The following HCN1 variants were observed in gnomAD, a reference collection of about 807,000 sequenced individuals.
HCN1 encodes potassium/sodium hyperpolarization-activated cyclic nucleotide-gated channel 1.
Under a neutral mutation model 78.9 loss-of-function variants are expected in HCN1, and 13 were observed. The ratio of observed to expected loss-of-function variants is 0.16; its 90% confidence interval spans 0.11 to 0.26. The LOEUF (loss-of-function observed/expected upper bound fraction) is 0.26, where lower values mean the gene tolerates loss of function less well. Ranked by LOEUF, HCN1 falls within the 10% of genes least tolerant of loss-of-function variation. The pLI, the probability that HCN1 is intolerant of heterozygous loss-of-function variation, is 1.00. For synonymous variants in HCN1, 552 were observed against 455.5 expected, an observed-to-expected ratio of 1.21 and a Z score of -2.70; for missense variants, 810 against 1,154.3, an observed-to-expected ratio of 0.70 and a Z score of 4.32.
intron 4 of HCN1, among the ~76,000 whole-genome samples, chr5:45,359,201 C>A (rs963143181): frequency 6.6e-6 from 1 of 151,962 alleles, no homozygotes; most frequent in African/African-American, 2.4e-5. Flanking sequence ...TAATTTTATA[C>A]ACTTCACATT....
chr5:45,393,397 T>C (rs1739623058), intron 4 of HCN1, among the ~76,000 whole-genome samples: 1 of 152,110 alleles, frequency 6.6e-6, no homozygotes, highest in Admixed American at 6.6e-5. Context: ...GATGTAGTAG[T>C]ATAAAAAACC....
chr5:45,349,346 A>C (rs932420351), intron 5 of HCN1, among the ~76,000 whole-genome samples: 4 of 152,162 alleles, frequency 2.6e-5, no homozygotes, highest in African/African-American at 7.2e-5. Flanking sequence ...ACACAACATA[A>C]CAGAATCTCT....
chr5:45,686,334 C>G (rs1013633176), intron 1 of HCN1, among the ~76,000 whole-genome samples: 2 of 151,900 alleles, frequency 1.3e-5, no homozygotes, highest in African/African-American at 4.8e-5. Flanking sequence ...CCAAATTCAA[C>G]CACCATAATT....
intron 2 of HCN1, among the ~76,000 whole-genome samples, chr5:45,587,303 T>C (rs993252735): frequency 4.6e-5 from 7 of 152,168 alleles, no homozygotes; most frequent in Admixed American, 4.6e-4. Context: ...CCAACCCAAA[T>C]GCCCATCAAT....
intron 3 of HCN1, among the ~76,000 whole-genome samples, chr5:45,422,194 G>A (rs745682355): frequency 2.0e-5 from 3 of 152,156 alleles, no homozygotes; most frequent in Non-Finnish European, 4.4e-5. Context: ...ATTAGATCAT[G>A]TTGCCTTTTG....
At chr5:45,373,202 T>TGAATGTACAAAATGAA (rs1335005089) in intron 4 of HCN1, among the ~76,000 whole-genome samples, 1 of 123,016 alleles carries the variant, frequency 8.1e-6, no homozygotes, top group East Asian at 2.2e-4. Context: ...ATTTTATATA[T>TGAATGTACAAAATGAA]TTTATATATG....
At chr5:45,323,222 T>A (rs565083570) in intron 5 of HCN1, among the ~76,000 whole-genome samples, 1 of 152,014 alleles carries the variant, frequency 6.6e-6, no homozygotes, top group Non-Finnish European at 1.5e-5. Flanking sequence ...TACACCAGAT[T>A]GTGAAGACTT....
intron 1 of HCN1, among the ~76,000 whole-genome samples, chr5:45,659,966 A>T (rs1172251568): frequency 6.8e-6 from 1 of 146,272 alleles, no homozygotes; most frequent in East Asian, 2.0e-4. Context: ...CCACAAAGAT[A>T]CTCCTCGGGA....
chr5:45,591,234 T>C (rs1304138924), intron 2 of HCN1, among the ~76,000 whole-genome samples: 1 of 152,230 alleles, frequency 6.6e-6, no homozygotes, highest in African/African-American at 2.4e-5. Flanking sequence ...TATAAACATT[T>C]GTGTGCAGAT....
At chr5:45,434,534 A>ACAGTTGAC (rs1193146628) in intron 3 of HCN1, among the ~76,000 whole-genome samples, 2 of 152,230 alleles carry the variant, frequency 1.3e-5, no homozygotes, top group Non-Finnish European at 2.9e-5. Context: ...TGGAGGAGGA[A>ACAGTTGAC]CAGTTGACAT....
At chr5:45,686,462 C>T (rs1447916060) in intron 1 of HCN1, among the ~76,000 whole-genome samples, 1 of 152,154 alleles carries the variant, frequency 6.6e-6, no homozygotes, top group Non-Finnish European at 1.5e-5. Flanking sequence ...TCACCCAAAC[C>T]ACATTTACGT....
intron 2 of HCN1, among the ~76,000 whole-genome samples, chr5:45,622,056 TA>T (rs1269489782): frequency 2.6e-5 from 4 of 151,814 alleles, no homozygotes; most frequent in Admixed American, 6.6e-5. Flanking sequence ...CCGTCTCTAC[TA>T]AAAAATACAA....
At chr5:45,567,289 C>A (rs558697068) in intron 2 of HCN1, among the ~76,000 whole-genome samples, 2 of 151,262 alleles carry the variant, frequency 1.3e-5, no homozygotes, top group Admixed American at 6.6e-5. Flanking sequence ...AGAAATTGTT[C>A]TTGGCTCTGC....
At chr5:45,465,663 G>A (rs575753678) in intron 2 of HCN1, among the ~76,000 whole-genome samples, 2 of 152,198 alleles carry the variant, frequency 1.3e-5, no homozygotes, top group South Asian at 4.1e-4. Context: ...GCTGAGGCAG[G>A]AGAATCACTT....
intron 3 of HCN1, among the ~76,000 whole-genome samples, chr5:45,456,771 T>C (rs773125670): frequency 1.3e-4 from 20 of 152,048 alleles, no homozygotes; most frequent in Non-Finnish European, 4.4e-5. Flanking sequence ...TTTTATACAG[T>C]ATTCTACAAC....
chr5:45,551,838 G>A (rs969757504), intron 2 of HCN1, among the ~76,000 whole-genome samples: 10 of 151,954 alleles, frequency 6.6e-5, no homozygotes, highest in East Asian at 1.9e-4. Context: ...GTTCAATTAC[G>A]TATAAGGTAT....
rs1431572639 is a variant in HCN1 at position 45,261,463 on chromosome 5, A to G, written c.*458T>C. On this transcript the variant is annotated 3_prime_UTR_variant, in exon 8 of 8. Transcript: ENST00000303230. ...GTTATTTAATTCTCCACCATTAATG[A>G]TTAACAATTTAGATGCAGAGACACA... 6.5e-6 allele frequency: 1 copy of G among 154,418 alleles called. No homozygotes were observed. Among genetic ancestry groups the G allele is most frequent in the Non-Finnish European group, 1.4e-5 (1 of 69,474 alleles). 9.6% of individuals were successfully genotyped at this position (154,418 alleles called of 1,614,324 possible). A position where few individuals can be genotyped will look rare whatever the true frequency, so the allele number is the denominator to read the frequency against.
At chr5:45,302,635 A>G (rs1010374368) in intron 6 of HCN1, among the ~76,000 whole-genome samples, 1 of 150,946 alleles carries the variant, frequency 6.6e-6, no homozygotes, top group Non-Finnish European at 1.5e-5. Flanking sequence ...TATATTTTAT[A>G]TATATAATTT....
intron 3 of HCN1, among the ~76,000 whole-genome samples, chr5:45,398,334 T>TA (rs1460859487): frequency 5.9e-5 from 9 of 152,100 alleles, no homozygotes; most frequent in Admixed American, 5.9e-4. Context: ...TCCCCAGAGG[T>TA]AACATGCTGC....
Sources: allele counts gnomAD v4.1 joint callset (sites outside exome capture counted in the v4.1 genomes callset), GRCh38; gene constraint gnomAD v4.1.1; transcripts MANE v1.5; gene names NCBI Gene and HGNC (gene_info 2026-07-23, HGNC 2026-07-21).